The following FAM13A variants were observed in gnomAD, a reference collection of about 807,000 sequenced individuals.
FAM13A encodes the protein protein FAM13A.
In FAM13A, 76 loss-of-function variants were observed where a neutral mutation model predicts 129.6. That is an observed-to-expected ratio of 0.59 (90% CI 0.49 to 0.71). The LOEUF (loss-of-function observed/expected upper bound fraction) is 0.71, where lower values mean the gene tolerates loss of function less well. Ranked by LOEUF, FAM13A falls within the 30% of genes least tolerant of loss-of-function variation. FAM13A has a pLI of 0.00. For missense variants in FAM13A, 1,108 were observed against 1,249.3 expected (o/e 0.89, Z 1.70); for synonymous variants, 443 against 449.9 (o/e 0.98, Z 0.20).
chr4:88,988,669 T>G (rs987111990), intron 4 of FAM13A, among the ~76,000 whole-genome samples: 4 of 151,930 alleles, frequency 2.6e-5, no homozygotes, highest in African/African-American at 9.7e-5. Context: ...AAAAAACCAG[T>G]TAAGTTCTAG....
chr4:88,921,515 ACC>A (rs1751085240), intron 5 of FAM13A, among the ~76,000 whole-genome samples: 1 of 152,198 alleles, frequency 6.6e-6, no homozygotes, highest in Non-Finnish European at 1.5e-5. Flanking sequence ...AGATTTTGTC[ACC>A]ACCAGGCCTA....
At chr4:88,858,377 G>T (rs2150020209) in intron 6 of FAM13A, among the ~76,000 whole-genome samples, 1 of 152,310 alleles carries the variant, frequency 6.6e-6, no homozygotes, top group South Asian at 2.1e-4. Flanking sequence ...AGGAATTAAG[G>T]TAGAAGACTT....
At chr4:88,789,967 A>G (rs1724793951) in intron 9 of FAM13A, among the ~76,000 whole-genome samples, 1 of 152,128 alleles carries the variant, frequency 6.6e-6, no homozygotes, top group Non-Finnish European at 1.5e-5. Context: ...TGATAACTGG[A>G]GTTTAGGTTT....
chr4:88,783,533 C>G (rs2149632698), intron 10 of FAM13A, among the ~76,000 whole-genome samples: 1 of 152,246 alleles, frequency 6.6e-6, no homozygotes. Flanking sequence ...TCCTGCCCGC[C>G]TTGGCCTCCC....
chr4:88,880,525 G>A (rs1163730165), intron 6 of FAM13A, among the ~76,000 whole-genome samples: 2 of 152,032 alleles, frequency 1.3e-5, no homozygotes, highest in African/African-American at 2.4e-5. Flanking sequence ...AAAACCACAG[G>A]GAGAAGGAAC....
chr4:88,731,870 GTT>G, intron 22 of FAM13A, 130 bp downstream of exon 22: 1 of 732,258 alleles, frequency 1.4e-6, no homozygotes, highest in East Asian at 2.9e-5. Context: ...AAAAATCACC[GTT>G]TTATCCAGAT....
intron 6 of FAM13A, chr4:88,855,596 T>G (rs2150006829): frequency 6.6e-6 from 1 of 152,116 alleles, no homozygotes; most frequent in Admixed American, 6.5e-5. Flanking sequence ...GTCATCATAC[T>G]TAAAACACAC....
At chr4:88,749,348 AG>A (rs1363381533) in intron 16 of FAM13A, among the ~76,000 whole-genome samples, 1 of 152,158 alleles carries the variant, frequency 6.6e-6, no homozygotes, top group African/African-American at 2.4e-5. Flanking sequence ...TAGAAAACAG[AG>A]GGGTATATGA....
intron 1 of FAM13A, 107 bp downstream of exon 1, chr4:89,056,831 G>T: frequency 9.0e-7 from 1 of 1,116,050 alleles, no homozygotes; most frequent in Non-Finnish European, 1.3e-6. Context: ...CCCACCTCCT[G>T]GGAAGGAAAA....
At chr4:88,856,226 T>A (rs965258258) in intron 6 of FAM13A, among the ~76,000 whole-genome samples, 2 of 152,012 alleles carry the variant, frequency 1.3e-5, no homozygotes, top group African/African-American at 4.8e-5. Flanking sequence ...ACACCTGTAA[T>A]CCTAGCACTT....
chr4:88,979,481 T>C (rs1395565692), intron 4 of FAM13A, among the ~76,000 whole-genome samples: 2 of 152,218 alleles, frequency 1.3e-5, no homozygotes, highest in African/African-American at 2.4e-5. Flanking sequence ...ATCCTGACTC[T>C]AACCTCTTAC....
intron 14 of FAM13A, among the ~76,000 whole-genome samples, chr4:88,753,462 T>A (rs1743045642): frequency 6.6e-6 from 1 of 152,236 alleles, no homozygotes; most frequent in Admixed American, 6.5e-5. Flanking sequence ...TTCTAGCTTA[T>A]CAGTGACATT....
chr4:88,753,000 T>G (rs1172457046), intron 14 of FAM13A, among the ~76,000 whole-genome samples: 9 of 152,202 alleles, frequency 5.9e-5, no homozygotes, highest in African/African-American at 2.2e-4. Context: ...ACAGAGGGCT[T>G]TGGCAAAGCA....
At chr4:88,901,658 T>C (rs937927316) in intron 6 of FAM13A, among the ~76,000 whole-genome samples, 6 of 151,900 alleles carry the variant, frequency 3.9e-5, no homozygotes, top group Non-Finnish European at 5.9e-5. Context: ...GGGAAATTTA[T>C]AGCACTAAAT....
chr4:88,739,267 A>G, intron 19 of FAM13A, 142 bp from the exon 20 acceptor site: 1 of 629,154 alleles, frequency 1.6e-6, no homozygotes, highest in South Asian at 1.9e-5. Flanking sequence ...GAATTTATTT[A>G]AACTGATAAT....
intron 4 of FAM13A, among the ~76,000 whole-genome samples, chr4:88,943,620 T>C (rs1255966190): frequency 6.6e-6 from 1 of 152,224 alleles, no homozygotes; most frequent in East Asian, 1.9e-4. Flanking sequence ...TTAAAGCATG[T>C]GTCTTCAAGA....
In FAM13A at chr4:88,728,467, T is replaced by A. The variant is rs1578382844; in HGVS notation, c.*66A>T. 1 of 1,601,628 alleles carries A rather than the reference T, an allele frequency of 6.2e-7. No homozygotes were observed. Among genetic ancestry groups the A allele is most frequent in the East Asian group, 2.2e-5 (1 of 44,786 alleles). On this transcript the variant is annotated 3_prime_UTR_variant, in exon 24 of 24. Coordinates refer to ENST00000264344, the MANE Select transcript of FAM13A (RefSeq NM_014883.4). ...CAGCCCCAAGGCTGCCTTCCAGAGC[T>A]GCACTTTCTCTGGGGACAGTAAACT... is the stretch of plus-strand genomic sequence containing the variant.
chr4:88,935,054 C>T (rs1002412816), intron 5 of FAM13A, among the ~76,000 whole-genome samples: 8 of 152,152 alleles, frequency 5.3e-5, no homozygotes, highest in Non-Finnish European at 1.5e-5. Context: ...AAACTTTTCC[C>T]CTTATTGTTA....
In FAM13A at chr4:88,760,389, G is replaced by A. The variant is rs1360628492; in HGVS notation, c.1579-1488C>T. On this transcript the variant is annotated intron_variant, in intron 13 of 23. Coordinates refer to ENST00000264344, the MANE Select transcript of FAM13A (RefSeq NM_014883.4). ...GGAGGCAGAGGCGGGCGGATCATGA[G>A]GTCAGGAGATCGAGACCATCCTGGC... is the stretch of plus-strand genomic sequence containing the variant. Among the ~76,000 whole-genome samples the A allele has an allele frequency of 1.4e-4, 4 of 29,172 alleles. 1 individual carries two copies. The highest frequency in any genetic ancestry group is 1.1e-3 in the Admixed American group (3 of 2,792). 19.1% of individuals were successfully genotyped at this position (29,172 alleles called of 152,430 possible). A position where few individuals can be genotyped will look rare whatever the true frequency, so the allele number is the denominator to read the frequency against.
Sources: gnomAD v4.1 joint callset for allele counts (sites outside exome capture counted in the v4.1 genomes callset) on GRCh38, gnomAD v4.1.1 for gene constraint, MANE v1.5 for transcripts, NCBI Gene and HGNC (gene_info 2026-07-23, HGNC 2026-07-21) for gene names.